The following ELAPOR2 variants were observed in gnomAD, a reference collection of about 807,000 sequenced individuals.
ELAPOR2 encodes endosome/lysosome-associated apoptosis and autophagy regulator family member 2.
Under a neutral mutation model 120.7 loss-of-function variants are expected in ELAPOR2, and 89 were observed. The observed-to-expected ratio is 0.74, with a 90% CI of 0.62 to 0.88. ELAPOR2 has a LOEUF of 0.88. ELAPOR2 is among the 40% of genes least tolerant of loss of function. The probability of loss-of-function intolerance (pLI) is 0.00; values close to 1 mark genes in which losing one functional copy is unlikely to be tolerated. For missense variants in ELAPOR2, 1,134 were observed against 1,251.6 expected, an observed-to-expected ratio of 0.91 and a Z score of 1.42; for synonymous variants, 444 against 444.9, an observed-to-expected ratio of 1.00 and a Z score of 0.03.
intron 1 of ELAPOR2, 81 bp downstream of exon 1, chr7:87,059,244 A>C: frequency 8.1e-7 from 1 of 1,237,672 alleles, no homozygotes; most frequent in Non-Finnish European, 1.0e-6. Flanking sequence ...GGCAAACAGA[A>C]ATAAACAGGA....
At chr7:86,949,164 A>C (rs1791128688) in intron 2 of ELAPOR2, among the ~76,000 whole-genome samples, 1 of 152,204 alleles carries the variant, frequency 6.6e-6, no homozygotes, top group Non-Finnish European at 1.5e-5. Context: ...AAATCAGTAA[A>C]ACATGAGAAA....
chr7:86,998,097 T>G lies in ELAPOR2; in HGVS notation c.190-33073A>C, dbSNP rs1307705556. ...ATATTTATCAAAAAAAAGTACTGTT[T>G]CCTTGTATACATGGCATTGCACTTG... On this transcript the variant is annotated intron_variant, in intron 1 of 21. Transcript: ENST00000450689. Among the ~76,000 whole-genome samples the G allele has an allele frequency of 2.0e-5, 3 of 152,184 alleles. No homozygotes were observed. The East Asian group carries it at 5.8e-4, about 29-fold the overall frequency.
At chr7:86,911,255 A>G (rs1265468224) in intron 15 of ELAPOR2, among the ~76,000 whole-genome samples, 1 of 152,098 alleles carries the variant, frequency 6.6e-6, no homozygotes, top group Non-Finnish European at 1.5e-5. Context: ...AGTGTCTTGG[A>G]TCACCCCAGG....
chr7:86,911,422 G>A (rs1789302491), intron 15 of ELAPOR2, among the ~76,000 whole-genome samples: 1 of 152,038 alleles, frequency 6.6e-6, no homozygotes, highest in South Asian at 2.1e-4. Flanking sequence ...GAGTTAATAT[G>A]GGAAGTGACA....
chr7:87,017,235 G>T (rs1793898311), intron 1 of ELAPOR2, among the ~76,000 whole-genome samples: 2 of 151,948 alleles, frequency 1.3e-5, no homozygotes, highest in Non-Finnish European at 2.9e-5. Context: ...ATTTATCCAA[G>T]GAAATATCTA....
chr7:87,058,716 C>T (rs972441483), intron 1 of ELAPOR2, among the ~76,000 whole-genome samples: 1 of 152,200 alleles, frequency 6.6e-6, no homozygotes, highest in Non-Finnish European at 1.5e-5. Flanking sequence ...TCTCCATCAT[C>T]AACCTGCATC....
chr7:86,897,760 T>A lies in ELAPOR2; in HGVS notation c.2559-128A>T. The A allele has an allele frequency of 8.7e-6, 9 of 1,034,716 alleles. No individual in the cohort carries two copies. In the South Asian group the frequency reaches 1.1e-4, roughly 13 times the overall value. The allele number at this position is 1,034,716 out of a possible 1,614,324, so 64.1% of individuals were successfully genotyped here. A position where few individuals can be genotyped will look rare whatever the true frequency, so the allele number is the denominator to read the frequency against. Reference sequence around the variant, plus strand: ...TGTGTGGATGCTGAAGAAACACAAGTGGAAAAAAGTCTAAAAGACACAAAC... The same window carrying A: ...TGTGTGGATGCTGAAGAAACACAAGAGGAAAAAAGTCTAAAAGACACAAAC... On this transcript the variant is annotated intron_variant, in intron 18 of 21. Coordinates refer to ENST00000450689, the MANE Select transcript of ELAPOR2 (RefSeq NM_001142749.3).
At chr7:87,012,657 C>G (rs2116671672) in intron 1 of ELAPOR2, among the ~76,000 whole-genome samples, 1 of 152,184 alleles carries the variant, frequency 6.6e-6, no homozygotes. Flanking sequence ...CGGTACTTTT[C>G]AGAAAGTATC....
chr7:86,881,513 C>A (rs1429465224), intron 21 of ELAPOR2, among the ~76,000 whole-genome samples: 1 of 152,002 alleles, frequency 6.6e-6, no homozygotes, highest in African/African-American at 2.4e-5. Flanking sequence ...CCTGCCACCA[C>A]GCCCAGATAA....
intron 1 of ELAPOR2, among the ~76,000 whole-genome samples, chr7:87,009,504 G>GTTT (rs1793587672): frequency 6.6e-6 from 1 of 152,168 alleles, no homozygotes; most frequent in Non-Finnish European, 1.5e-5. Context: ...TCATTGAAGA[G>GTTT]TTTTGAATGC....
chr7:86,905,333 A>AAAAC (rs1250280983), intron 18 of ELAPOR2, among the ~76,000 whole-genome samples: 1 of 151,676 alleles, frequency 6.6e-6, no homozygotes, highest in Non-Finnish European at 1.5e-5. Flanking sequence ...AAAAAAAACC[A>AAAAC]AAACAAACAA....
chr7:87,053,425 C>T (rs1222385927), intron 1 of ELAPOR2, among the ~76,000 whole-genome samples: 1 of 152,068 alleles, frequency 6.6e-6, no homozygotes, highest in Non-Finnish European at 1.5e-5. Flanking sequence ...CAAATGGTGC[C>T]TTTGTGTGAT....
intron 16 of ELAPOR2, among the ~76,000 whole-genome samples, chr7:86,909,046 T>C (rs1584335965): frequency 6.6e-6 from 1 of 152,090 alleles, no homozygotes; most frequent in East Asian, 1.9e-4. Context: ...AGGCTTTTTT[T>C]CCCTGCCTCT....
chr7:86,928,420 A>G (rs1790174312), intron 8 of ELAPOR2, among the ~76,000 whole-genome samples: 1 of 152,018 alleles, frequency 6.6e-6, no homozygotes, highest in Non-Finnish European at 1.5e-5. Context: ...TAATTTGCTG[A>G]TTTATTTTGA....
intron 1 of ELAPOR2, among the ~76,000 whole-genome samples, chr7:87,017,476 C>A (rs540568613): frequency 1.3e-5 from 2 of 151,910 alleles, no homozygotes; most frequent in African/African-American, 2.4e-5. Flanking sequence ...TTATTAAATG[C>A]GAATGAATGC....
chr7:87,024,885 A>G (rs1794193032), intron 1 of ELAPOR2, among the ~76,000 whole-genome samples: 1 of 152,052 alleles, frequency 6.6e-6, no homozygotes, highest in Admixed American at 6.6e-5. Flanking sequence ...GACCAATAAC[A>G]GGCTCTGAAA....
At position 86,913,119 on chromosome 7, in the gene ELAPOR2, G is replaced by A. The variant is rs1200654928; in HGVS notation, c.1817C>T (p.Ala606Val). The A allele has an allele frequency of 1.2e-6, 2 of 1,613,924 alleles. No homozygotes were observed. Among genetic ancestry groups the A allele is most frequent in the Non-Finnish European group, 1.7e-6 (2 of 1,180,006 alleles). The change falls in exon 14 of 22, where the codon GCC (alanine) becomes GTC (valine). Residue 606 changes from alanine to valine, a missense_variant. By Grantham distance (64) the Ala-to-Val change is moderately conservative (BLOSUM62 0). Transcript: ENST00000450689. ...CGACTGTTCAGAACCGAGGGCACAG[G>A]CACGGCATGAGGACGCCACCCCATC... ...AVDGVASSCRACALGSEQSGS... is the reference protein window; with the variant it reads ...AVDGVASSCRVCALGSEQSGS...
At chr7:87,017,363 T>C (rs929385883) in intron 1 of ELAPOR2, among the ~76,000 whole-genome samples, 1 of 152,206 alleles carries the variant, frequency 6.6e-6, no homozygotes, top group Non-Finnish European at 1.5e-5. Flanking sequence ...TGAAATATAT[T>C]TTGATATATC....
intron 21 of ELAPOR2, among the ~76,000 whole-genome samples, chr7:86,881,344 G>A (rs138505529): frequency 2.8e-3 from 421 of 150,264 alleles, no homozygotes; most frequent in Non-Finnish European, 4.3e-3. Context: ...CCTCAGATGC[G>A]AGCAAGCACG....
Sources: gnomAD v4.1 joint callset for allele counts (sites outside exome capture counted in the v4.1 genomes callset) on GRCh38, gnomAD v4.1.1 for gene constraint, MANE v1.5 for transcripts, NCBI Gene and HGNC (gene_info 2026-07-23, HGNC 2026-07-21) for gene names.